MYCBP2: variants seen among roughly 807,000 people sequenced by gnomAD.
MYCBP2 encodes the protein E3 ubiquitin-protein ligase MYCBP2.
Under a neutral mutation model 525.3 loss-of-function variants are expected in MYCBP2, and 120 were observed. That is an observed-to-expected ratio of 0.23 (90% CI 0.20 to 0.27). The LOEUF (loss-of-function observed/expected upper bound fraction) is 0.27. Among genes scored for constraint, MYCBP2 ranks in the 10% least tolerant of loss-of-function variants. The pLI is 1.00. For synonymous variants in MYCBP2, 1,894 were observed against 1,955.8 expected (o/e 0.97, Z 0.83); for missense variants, 4,149 against 5,657.1 (o/e 0.73, Z 8.55).
At chr13:77,313,967 C>T (rs1455628476) in intron 1 of MYCBP2, among the ~76,000 whole-genome samples, 1 of 152,016 alleles carries the variant, frequency 6.6e-6, no homozygotes, top group Non-Finnish European at 1.5e-5. Context: ...TACTACACAC[C>T]TATCAGAATG....
At chr13:77,217,421 G>T (rs1006573868) in intron 21 of MYCBP2, among the ~76,000 whole-genome samples, 1 of 152,012 alleles carries the variant, frequency 6.6e-6, no homozygotes, top group African/African-American at 2.4e-5. Flanking sequence ...AAGGAAAAAA[G>T]AAAGTATAAT....
intron 1 of MYCBP2, among the ~76,000 whole-genome samples, chr13:77,313,215 G>A (rs759189734): frequency 2.6e-5 from 4 of 151,898 alleles, no homozygotes; most frequent in Non-Finnish European, 4.4e-5. Flanking sequence ...CTAAAGCACA[G>A]CCCAGATAAA....
intron 80 of MYCBP2, among the ~76,000 whole-genome samples, chr13:77,052,597 G>A (rs1301388069): frequency 6.6e-6 from 1 of 152,188 alleles, no homozygotes; most frequent in Non-Finnish European, 1.5e-5. Flanking sequence ...AATATCAACA[G>A]AATATTAAGT....
At chr13:77,321,324 G>GT (rs1289633016) in intron 1 of MYCBP2, among the ~76,000 whole-genome samples, 1 of 152,182 alleles carries the variant, frequency 6.6e-6, no homozygotes, top group African/African-American at 2.4e-5. Flanking sequence ...CAATAGAGCA[G>GT]TTTTTGCCTT....
chr13:77,287,446 A>G (rs2076995620), intron 3 of MYCBP2, among the ~76,000 whole-genome samples: 1 of 152,134 alleles, frequency 6.6e-6, no homozygotes, highest in African/African-American at 2.4e-5. Flanking sequence ...TGGCCTCCCA[A>G]AGTGCTGGGA....
chr13:77,267,761 A>G, intron 8 of MYCBP2, 80 bp downstream of exon 8: 2 of 1,105,610 alleles, frequency 1.8e-6, no homozygotes, highest in South Asian at 1.3e-5. Context: ...CTTGCTAATC[A>G]TTCTTTATGT....
At position 77,057,038 on chromosome 13, in the gene MYCBP2, C is replaced by A; in HGVS notation, c.13385G>T (p.Arg4462Leu). ...AAATGTTATCCTTGGGCCAAGCCATCGATTTTCTAATACTCGCCGACAGCA... is the reference window on the plus strand; with the variant it reads ...AAATGTTATCCTTGGGCCAAGCCATAGATTTTCTAATACTCGCCGACAGCA... ...LQCCRRVLEN[R>L]WLGPRITFGF... Residue 4462 changes from arginine (R) to leucine (L), a missense_variant, in exon 79 of 83, where the codon CGA (arginine) becomes CTA (leucine). Physicochemically the swap from Arg to Leu is moderately radical, Grantham distance 102. Around this residue, in one of 21 missense-constraint regions of MYCBP2, gnomAD observed 220 missense variants for 396.0 expected, o/e 0.56. Transcript: ENST00000544440. 1 of 1,613,904 alleles carries A rather than the reference C, an allele frequency of 6.2e-7. No individual in the cohort carries two copies. Among genetic ancestry groups the A allele is most frequent in the Non-Finnish European group, 8.5e-7 (1 of 1,179,904 alleles).
intron 54 of MYCBP2, among the ~76,000 whole-genome samples, chr13:77,123,565 T>C (rs1380091515): frequency 1.3e-5 from 2 of 152,212 alleles, no homozygotes; most frequent in Non-Finnish European, 2.9e-5. Flanking sequence ...ATCAAATTTA[T>C]GTGGTTATGA....
chr13:77,211,850 A>G lies in MYCBP2; in HGVS notation c.3262+106T>C, dbSNP rs540149002. On this transcript the variant is annotated intron_variant, in intron 22 of 82. Coordinates refer to ENST00000544440, the MANE Select transcript of MYCBP2 (RefSeq NM_015057.5). ...TGTTTAAATTTCTTTGAGCAGAAAG[A>G]AAACAAAAAGCTACAAAAGTACATT... is the stretch of plus-strand genomic sequence containing the variant. 5.0e-4 allele frequency: 455 copies of G among 909,250 alleles called. 2 individuals carry two copies. In the African/African-American group the frequency reaches 7.1e-3, roughly 14 times the overall value. The allele number at this position is 909,250 out of a possible 1,614,324, so 56.3% of individuals were successfully genotyped here.
Position 77,164,450 on chromosome 13 carries a change from T to C in MYCBP2, c.6547+4A>G, listed in dbSNP as rs757715637. The stretch of plus-strand genomic sequence containing the variant: ...AAAAAACATCCAGTATTGGCCACAC[T>C]TACCAATAGGAAGTGCTAGGTCCTT... On this transcript the variant is annotated splice_donor_region_variant and intron_variant, in intron 43 of 82. Coordinates refer to ENST00000544440, the MANE Select transcript of MYCBP2 (RefSeq NM_015057.5). 3.1e-6 allele frequency: 5 copies of C among 1,598,520 alleles called. No individual in the cohort carries two copies. The South Asian group carries it at 5.5e-5, about 18-fold the overall frequency.
At chr13:77,146,812 T>C (rs1389727470) in intron 47 of MYCBP2, among the ~76,000 whole-genome samples, 2 of 152,156 alleles carry the variant, frequency 1.3e-5, no homozygotes, top group Non-Finnish European at 1.5e-5. Context: ...CTTTCATACA[T>C]TGCTCGTGGG....
chr13:77,245,604 TG>T (rs34552429), intron 15 of MYCBP2, among the ~76,000 whole-genome samples: 4,744 of 86,550 alleles, frequency 0.055, 208 homozygotes, highest in East Asian at 0.23. Flanking sequence ...TGGGGCCTGT[TG>T]GGGGGTGGGG....
intron 53 of MYCBP2, among the ~76,000 whole-genome samples, chr13:77,125,736 AG>A (rs2051539049): frequency 6.6e-6 from 1 of 152,216 alleles, no homozygotes; most frequent in African/African-American, 2.4e-5. Flanking sequence ...GAATTACCCA[AG>A]AACACATGGC....
chr13:77,322,260 T>C lies in MYCBP2; in HGVS notation c.302+4214A>G, dbSNP rs191124252. On this transcript the variant is annotated intron_variant, in intron 1 of 82. Transcript: ENST00000544440. ...AATACCATTTCTAACAAGAAAGAGA[T>C]AAAGCAGCTGAAAAAACTAAGGGGG... Among the ~76,000 whole-genome samples the C allele has an allele frequency of 1.1e-4, 17 of 152,304 alleles. 1 individual carries two copies. In the East Asian group the frequency reaches 3.1e-3, roughly 28 times the overall value.
intron 55 of MYCBP2, chr13:77,118,302 G>T (rs2050121385): frequency 2.8e-6 from 2 of 722,462 alleles, no homozygotes; most frequent in South Asian, 2.9e-5. Flanking sequence ...CAAAGCTTCA[G>T]AAATGCTTGA....
chr13:77,152,138 G>A (rs529730109), intron 46 of MYCBP2, among the ~76,000 whole-genome samples: 1 of 152,314 alleles, frequency 6.6e-6, no homozygotes, highest in South Asian at 2.1e-4. Flanking sequence ...CGATTCTATG[G>A]AATCAGTAGT....
intron 1 of MYCBP2, among the ~76,000 whole-genome samples, chr13:77,302,718 T>C (rs2078935548): frequency 6.6e-6 from 1 of 152,204 alleles, no homozygotes; most frequent in Non-Finnish European, 1.5e-5. Flanking sequence ...GAAAAAGATG[T>C]ATCTCAAGCA....
chr13:77,090,301 G>C, intron 59 of MYCBP2, 38 bp from the exon 60 acceptor site: 1 of 1,529,084 alleles, frequency 6.5e-7, no homozygotes, highest in Non-Finnish European at 8.8e-7. Flanking sequence ...AAACTCAGAA[G>C]AGCTGAATGA....
In MYCBP2 at chr13:77,297,509, C is replaced by G. The variant is rs139024119; in HGVS notation, c.303-835G>C. 8.9e-3 allele frequency among the ~76,000 whole-genome samples: 1,356 copies of G among 152,148 alleles called. 26 individuals are homozygous for G. Among genetic ancestry groups the G allele is most frequent in the African/African-American group, 0.031 (1,296 of 41,490 alleles). On this transcript the variant is annotated intron_variant, in intron 1 of 82. Transcript: ENST00000544440. ...GAGAACGAAGGGGAGGAGGTTGTTCCAGATGCTGAAGGGGTCAAGTCCTTA... is the reference window on the plus strand; with the variant it reads ...GAGAACGAAGGGGAGGAGGTTGTTCGAGATGCTGAAGGGGTCAAGTCCTTA...
Sources: allele counts gnomAD v4.1 joint callset (sites outside exome capture counted in the v4.1 genomes callset), GRCh38; gene constraint gnomAD v4.1.1; regional missense constraint gnomAD v4.1.1; transcripts MANE v1.5; gene names NCBI Gene and HGNC (gene_info 2026-07-23, HGNC 2026-07-21).